The following HNRNPC variants were observed in gnomAD, a reference collection of about 807,000 sequenced individuals.
The protein encoded by HNRNPC is heterogeneous nuclear ribonucleoprotein C.
A neutral mutation model predicts 33.2 loss-of-function variants in HNRNPC; 3 were observed. That is an observed-to-expected ratio of 0.09 (90% confidence interval 0.04 to 0.23). The LOEUF (loss-of-function observed/expected upper bound fraction) is 0.23. Among genes scored for constraint, HNRNPC ranks in the 10% least tolerant of loss-of-function variants. HNRNPC has a pLI of 1.00. For synonymous variants in HNRNPC, 121 were observed against 126.7 expected (o/e 0.96, Z 0.30); for missense variants, 143 against 366.7 (o/e 0.39, Z 4.98).
intron 5 of HNRNPC, among the ~76,000 whole-genome samples, chr14:21,218,681 CAAAAAAA>C (rs71112557): frequency 0.26 from 13,161 of 50,946 alleles, 939 homozygotes; most frequent in South Asian, 0.42. Flanking sequence ...AACTCTCTCT[CAAAAAAA>C]AAAAAAAAAA....
chr14:21,263,419 TTC>T (rs1158939538), intron 1 of HNRNPC, 83 bp from the exon 2 acceptor site: 1 of 152,420 alleles, frequency 6.6e-6, no homozygotes, highest in Non-Finnish European at 1.5e-5. Context: ...TTCATTTCTT[TTC>T]TCTTTCCAAA....
intron 2 of HNRNPC, among the ~76,000 whole-genome samples, chr14:21,249,190 A>G (rs1004158061): frequency 6.6e-6 from 1 of 152,162 alleles, no homozygotes; most frequent in African/African-American, 2.4e-5. Context: ...TGATACACAG[A>G]TAACTGAGTC....
intron 2 of HNRNPC, chr14:21,234,620 T>C (rs891482379): frequency 5.9e-6 from 1 of 168,418 alleles, no homozygotes; most frequent in Non-Finnish European, 1.3e-5. Context: ...TTACAGGTCA[T>C]GCTAACTATT....
At chr14:21,265,725 C>T (rs527509010) in intron 1 of HNRNPC, among the ~76,000 whole-genome samples, 5 of 152,306 alleles carry the variant, frequency 3.3e-5, no homozygotes, top group East Asian at 3.9e-4. Flanking sequence ...GTGCAGTGAG[C>T]TGAGATGACA....
At chr14:21,214,339 T>C (rs1341087193) in intron 5 of HNRNPC, among the ~76,000 whole-genome samples, 1 of 152,250 alleles carries the variant, frequency 6.6e-6, no homozygotes, top group African/African-American at 2.4e-5. Context: ...CCAATCTTCC[T>C]GTAGTGAAAA....
chr14:21,230,592 T>TC, intron 4 of HNRNPC: 1 of 546,268 alleles, frequency 1.8e-6, no homozygotes, highest in Non-Finnish European at 3.3e-6. Flanking sequence ...CGCTAAGATT[T>TC]CCACATACGA....
intron 2 of HNRNPC, among the ~76,000 whole-genome samples, chr14:21,238,310 C>CA (rs993089282): frequency 1.7e-4 from 26 of 151,924 alleles, no homozygotes; most frequent in African/African-American, 6.3e-4. Flanking sequence ...TAATTTGAGT[C>CA]AAAAAAATAG....
At chr14:21,212,167 T>C (rs961174800) in intron 6 of HNRNPC, among the ~76,000 whole-genome samples, 1 of 152,112 alleles carries the variant, frequency 6.6e-6, no homozygotes, top group African/African-American at 2.4e-5. Context: ...CTGAGGACAG[T>C]GACTATTCAC....
At chr14:21,220,528 C>T (rs550509489) in intron 5 of HNRNPC, among the ~76,000 whole-genome samples, 2 of 152,300 alleles carry the variant, frequency 1.3e-5, no homozygotes, top group African/African-American at 4.8e-5. Flanking sequence ...CACTCTCGGC[C>T]TCTATTTCTT....
At chr14:21,249,295 G>A (rs1431195112) in intron 2 of HNRNPC, among the ~76,000 whole-genome samples, 1 of 151,960 alleles carries the variant, frequency 6.6e-6, no homozygotes, top group Non-Finnish European at 1.5e-5. Context: ...ATTGGGGCTG[G>A]GCGCAGTGGC....
At chr14:21,260,960 C>CAA (rs71112564) in intron 2 of HNRNPC, among the ~76,000 whole-genome samples, 99 of 88,472 alleles carry the variant, frequency 1.1e-3, no homozygotes, top group South Asian at 4.6e-3. Flanking sequence ...GAGACTGTCT[C>CAA]AAAAAAAAAA....
intron 5 of HNRNPC, among the ~76,000 whole-genome samples, chr14:21,226,897 G>A (rs74425777): frequency 0.26 from 13,122 of 50,784 alleles, 916 homozygotes; most frequent in African/African-American, 0.36. Flanking sequence ...AAAAAAAAAG[G>A]GGGGGGGGGG....
chr14:21,260,013 A>C (rs183600433), intron 2 of HNRNPC, among the ~76,000 whole-genome samples: 1 of 149,620 alleles, frequency 6.7e-6, no homozygotes, highest in Non-Finnish European at 1.5e-5. Context: ...TCCCGGCTAA[A>C]ACGGTGAAAC....
chr14:21,266,581 T>C (rs1412077298), intron 1 of HNRNPC, among the ~76,000 whole-genome samples: 1 of 150,802 alleles, frequency 6.6e-6, no homozygotes, highest in Non-Finnish European at 1.5e-5. Context: ...AAATTTCCAA[T>C]ATCGAGAATA....
At chr14:21,266,011 T>C (rs1449735926) in intron 1 of HNRNPC, among the ~76,000 whole-genome samples, 2 of 152,176 alleles carry the variant, frequency 1.3e-5, no homozygotes, top group Non-Finnish European at 2.9e-5. Flanking sequence ...AGCAATCTGT[T>C]TTAACTAGCC....
At chr14:21,238,789 T>TA (rs1184083531) in intron 2 of HNRNPC, among the ~76,000 whole-genome samples, 8 of 152,136 alleles carry the variant, frequency 5.3e-5, no homozygotes, top group Non-Finnish European at 1.2e-4. Context: ...ATAATGCTGT[T>TA]AGATAATAAA....
intron 2 of HNRNPC, among the ~76,000 whole-genome samples, chr14:21,248,586 CA>C (rs944519496): frequency 6.6e-6 from 1 of 152,052 alleles, no homozygotes; most frequent in African/African-American, 2.4e-5. Context: ...CACATACCAA[CA>C]AAAAATGGCC....
At chr14:21,233,036 C>CA (rs542905745) in intron 3 of HNRNPC, among the ~76,000 whole-genome samples, 3,873 of 135,772 alleles carry the variant, frequency 0.029, 152 homozygotes, top group African/African-American at 0.086. Context: ...GACTCTGTCT[C>CA]AAAAAAAAAA....
chr14:21,254,092 C>T (rs1485340655), intron 2 of HNRNPC, among the ~76,000 whole-genome samples: 1 of 131,652 alleles, frequency 7.6e-6, no homozygotes, highest in African/African-American at 2.9e-5. Flanking sequence ...GCATACTCTG[C>T]CCACCTCCCC....
Sources: gnomAD v4.1 joint callset for allele counts (sites outside exome capture counted in the v4.1 genomes callset) on GRCh38, gnomAD v4.1.1 for gene constraint, MANE v1.5 for transcripts, NCBI Gene and HGNC (gene_info 2026-07-23, HGNC 2026-07-21) for gene names.